Variants in C6orf118 observed in about 807,000 individuals in gnomAD.
The protein encoded by C6orf118 is uncharacterized protein C6orf118.
Under a neutral mutation model 50.2 loss-of-function variants are expected in C6orf118, and 50 were observed. That is an observed-to-expected ratio of 1.00 (90% CI 0.79 to 1.26). The LOEUF is 1.26. Among genes scored for constraint, C6orf118 ranks in the 50% most tolerant of loss-of-function variants. The probability of loss-of-function intolerance (pLI) is 0.00; values close to 1 mark genes in which losing one functional copy is unlikely to be tolerated. For synonymous variants in C6orf118, 239 were observed against 230.9 expected (o/e 1.03, Z -0.32); for missense variants, 641 against 578.7 (o/e 1.11, Z -1.10).
intron 7 of C6orf118, among the ~76,000 whole-genome samples, chr6:165,285,177 A>C (rs924078777): frequency 1.3e-5 from 2 of 152,208 alleles, no homozygotes; most frequent in Non-Finnish European, 2.9e-5. Flanking sequence ...ACTTTCTGAC[A>C]AAACACACTT....
At chr6:165,296,664 ACT>A (rs1474639334) in intron 5 of C6orf118, among the ~76,000 whole-genome samples, 3 of 151,672 alleles carry the variant, frequency 2.0e-5, no homozygotes, top group Non-Finnish European at 2.9e-5. Context: ...ATCGGTCCTC[ACT>A]CTCTCTCTTG....
At chr6:165,293,117 A>C (rs2128159739) in intron 6 of C6orf118, 1 of 311,704 alleles carries the variant, frequency 3.2e-6, no homozygotes, top group East Asian at 5.4e-5. Context: ...TCTATTTTGT[A>C]AAATGTTAAT....
chr6:165,286,004 A>C (rs1779890702), intron 7 of C6orf118, among the ~76,000 whole-genome samples: 1 of 151,958 alleles, frequency 6.6e-6, no homozygotes, highest in African/African-American at 2.4e-5. Context: ...TTTTGAAAAA[A>C]AAATTAATAA....
chr6:165,291,915 T>C (rs987163258), intron 6 of C6orf118, among the ~76,000 whole-genome samples: 3 of 152,114 alleles, frequency 2.0e-5, no homozygotes, highest in Non-Finnish European at 4.4e-5. Flanking sequence ...TCCTGGTAGA[T>C]AGTAAACAAG....
intron 7 of C6orf118, among the ~76,000 whole-genome samples, chr6:165,286,257 A>G (rs1779899975): frequency 6.6e-6 from 1 of 152,184 alleles, no homozygotes; most frequent in Non-Finnish European, 1.5e-5. Flanking sequence ...TAGACCAATA[A>G]TGAGTTCTGA....
Position 165,289,926 on chromosome 6 carries a change from C to T in C6orf118, c.1262G>A (p.Gly421Glu), listed in dbSNP as rs758853353. The T allele has an allele frequency of 1.2e-6, 2 of 1,608,764 alleles. No individual in the cohort carries two copies. Among genetic ancestry groups the T allele is most frequent in the South Asian group, 1.1e-5 (1 of 90,046 alleles). The change falls in exon 7 of 9, where the codon GGA becomes GAA. Residue 421 changes from glycine to glutamate, a missense_variant. Physicochemically the swap from Gly to Glu is moderately conservative, Grantham distance 98. Transcript: ENST00000230301. Reference sequence around the variant, plus strand: ...CCTATTCTCAGTGATATCTGAAATTCCAGTATGAACCAAAGTTGTTTTAAT... The same window carrying T: ...CCTATTCTCAGTGATATCTGAAATTTCAGTATGAACCAAAGTTGTTTTAAT... ...KEIKTTLVHT[G>E]ISDITENRIK...
intron 8 of C6orf118, among the ~76,000 whole-genome samples, chr6:165,280,890 T>A: frequency 6.6e-6 from 1 of 152,148 alleles, no homozygotes; most frequent in Admixed American, 6.6e-5. Flanking sequence ...CACCTACACC[T>A]AAAAATCTTT....
chr6:165,293,556 T>A, intron 5 of C6orf118, 85 bp from the exon 6 acceptor site: 1 of 1,060,246 alleles, frequency 9.4e-7, no homozygotes, highest in Non-Finnish European at 1.4e-6. Context: ...ACAAGTCTCT[T>A]ACAGTTGAGA....
chr6:165,302,987 A>C (rs1405100501), intron 1 of C6orf118, among the ~76,000 whole-genome samples: 1 of 152,244 alleles, frequency 6.6e-6, no homozygotes, highest in East Asian at 1.9e-4. Flanking sequence ...AGTACAGGTA[A>C]CACGTTACTG....
rs576052494 is a variant in C6orf118 at position 165,279,696 on chromosome 6, A to G, written c.*361T>C. The G allele has an allele frequency of 5.6e-6, 1 of 177,452 alleles. No homozygotes were observed. Among genetic ancestry groups the G allele is most frequent in the Non-Finnish European group, 1.2e-5 (1 of 85,240 alleles). The allele number at this position is 177,452 out of a possible 1,614,324, so 11.0% of individuals were successfully genotyped here. On this transcript the variant is annotated 3_prime_UTR_variant, in exon 9 of 9. Coordinates refer to ENST00000230301, the MANE Select transcript of C6orf118 (RefSeq NM_144980.4). ...ATCACTATAAAATTTTATTAAATGC[A>G]TATATGTAAACTTGTGTTGGCAAAT...
intron 7 of C6orf118, among the ~76,000 whole-genome samples, chr6:165,287,956 C>A (rs893220903): frequency 5.3e-5 from 8 of 152,130 alleles, no homozygotes; most frequent in African/African-American, 1.7e-4. Flanking sequence ...CTAAAGAGTT[C>A]TGCACAGCAA....
chr6:165,283,042 G>A lies in C6orf118; in HGVS notation c.1303-1349C>T, dbSNP rs568535221. Among the ~76,000 whole-genome samples the A allele has an allele frequency of 5.9e-5, 9 of 152,276 alleles. No homozygotes were observed. The East Asian group carries it at 1.4e-3, about 23-fold the overall frequency. ...TAAACAAAAACCGCGAAGAAAATCT[G>A]CAGGGAGGGGCCAAGATGGCCGACT... On this transcript the variant is annotated intron_variant, in intron 7 of 8. Coordinates refer to ENST00000230301, the MANE Select transcript of C6orf118 (RefSeq NM_144980.4).
At chr6:165,296,242 C>CGTTTTTT (rs1780294595) in intron 5 of C6orf118, among the ~76,000 whole-genome samples, 1 of 102,946 alleles carries the variant, frequency 9.7e-6, no homozygotes, top group African/African-American at 3.5e-5. Flanking sequence ...TTGTTGTTTT[C>CGTTTTTT]GTTTTTTGTT....
At chr6:165,299,776 C>T (rs1380843655) in intron 3 of C6orf118, among the ~76,000 whole-genome samples, 5 of 152,186 alleles carry the variant, frequency 3.3e-5, no homozygotes, top group Non-Finnish European at 5.9e-5. Flanking sequence ...ATCTCTGCCT[C>T]CCGGTTCAAG....
At chr6:165,300,846 G>A (rs77046468) in intron 2 of C6orf118, among the ~76,000 whole-genome samples, 4,830 of 151,856 alleles carry the variant, frequency 0.032, 115 homozygotes, top group Non-Finnish European at 0.051. Flanking sequence ...TTCGTGCATC[G>A]TCCCCATTTG....
intron 5 of C6orf118, among the ~76,000 whole-genome samples, chr6:165,295,983 T>C (rs1390365765): frequency 7.6e-6 from 1 of 131,302 alleles, no homozygotes; most frequent in African/African-American, 2.9e-5. Context: ...AGCAGGACAG[T>C]TGTGTGGCTT....
chr6:165,297,395 C>G (rs1430184416), intron 5 of C6orf118, among the ~76,000 whole-genome samples: 2 of 143,880 alleles, frequency 1.4e-5, no homozygotes, highest in Non-Finnish European at 3.0e-5. Flanking sequence ...CAGAGCAAGT[C>G]TCCATTAAAA....
At chr6:165,294,806 C>A (rs545757852) in intron 5 of C6orf118, among the ~76,000 whole-genome samples, 34 of 152,220 alleles carry the variant, frequency 2.2e-4, no homozygotes, top group African/African-American at 5.8e-4. Flanking sequence ...TCTCTTGCAC[C>A]TGAGAGGTTG....
At chr6:165,299,649 GTA>G in intron 3 of C6orf118, 147 bp from the exon 4 acceptor site, 1 of 597,350 alleles carries the variant, frequency 1.7e-6, no homozygotes, top group Non-Finnish European at 3.0e-6. Flanking sequence ...GCATTAAACG[GTA>G]TACATGCTCA....
Sources: allele counts gnomAD v4.1 joint callset (sites outside exome capture counted in the v4.1 genomes callset), GRCh38; gene constraint gnomAD v4.1.1; transcripts MANE v1.5; gene names NCBI Gene and HGNC (gene_info 2026-07-23, HGNC 2026-07-21).